The following CFTR variants were observed in gnomAD, a reference collection of about 807,000 sequenced individuals.
The protein encoded by CFTR is CF transmembrane conductance regulator, also known as cystic fibrosis transmembrane conductance regulator.
CFTR carries 181 observed loss-of-function variants against 171.6 expected under a neutral mutation model. The ratio of observed to expected loss-of-function variants is 1.05; its 90% CI spans 0.93 to 1.19. CFTR has a LOEUF of 1.19. Ranked by LOEUF, CFTR falls within the 50% of genes most tolerant of loss-of-function variation. The probability of loss-of-function intolerance (pLI) is 0.00; values close to 1 mark genes in which losing one functional copy is unlikely to be tolerated. For missense variants in CFTR, 1,968 were observed against 1,734.7 expected, an observed-to-expected ratio of 1.13 and a Z score of -2.39; for synonymous variants, 583 against 608.0, an observed-to-expected ratio of 0.96 and a Z score of 0.60.
chr7:117,600,138 A>G (rs1198324020), intron 15 of CFTR, among the ~76,000 whole-genome samples: 2 of 152,046 alleles, frequency 1.3e-5, no homozygotes, highest in Admixed American at 6.5e-5. Flanking sequence ...AACTGAAAAA[A>G]AATTAATTTG....
At chr7:117,516,649 G>A (rs1798600370) in intron 3 of CFTR, among the ~76,000 whole-genome samples, 1 of 151,970 alleles carries the variant, frequency 6.6e-6, no homozygotes, top group Non-Finnish European at 1.5e-5. Context: ...TCAAATATTA[G>A]TTTTTGTTTA....
In CFTR at chr7:117,508,036, A is replaced by G. The variant is rs539249861; in HGVS notation, c.165-998A>G. ...AGTGATCTGCCCGCCTTGGCCTCCC[A>G]AAGTGTTGGGATTAGTGGCGTGAGC... On this transcript the variant is annotated intron_variant, in intron 2 of 26. Transcript: ENST00000003084. Among the ~76,000 whole-genome samples the G allele has an allele frequency of 5.9e-5, 9 of 152,326 alleles. No homozygotes were observed. The East Asian group carries it at 1.3e-3, about 23-fold the overall frequency.
At chr7:117,583,710 G>A (rs213958) in intron 11 of CFTR, among the ~76,000 whole-genome samples, 58,313 of 151,620 alleles carry the variant, frequency 0.38, 15,299 homozygotes, top group African/African-American at 0.74. Context: ...CTGCTGGATC[G>A]AATGGTAGTT....
intron 1 of CFTR, among the ~76,000 whole-genome samples, chr7:117,502,921 A>T (rs927935378): frequency 1.1e-4 from 17 of 152,204 alleles, no homozygotes; most frequent in Admixed American, 1.1e-3. Context: ...TAGAGCCCTA[A>T]TTCAGTTAAG....
intron 11 of CFTR, among the ~76,000 whole-genome samples, chr7:117,587,506 T>C (rs2116016702): frequency 6.6e-6 from 1 of 152,318 alleles, no homozygotes; most frequent in East Asian, 1.9e-4. Flanking sequence ...TATTTAATGA[T>C]CATTCATGAC....
At chr7:117,607,268 G>A (rs1448305234) in intron 18 of CFTR, among the ~76,000 whole-genome samples, 5 of 152,096 alleles carry the variant, frequency 3.3e-5, no homozygotes, top group African/African-American at 1.2e-4. Flanking sequence ...AAAAGAGAGG[G>A]GAAAGAAAAA....
intron 11 of CFTR, among the ~76,000 whole-genome samples, chr7:117,562,809 C>G (rs1045135162): frequency 6.6e-6 from 1 of 152,122 alleles, no homozygotes; most frequent in Non-Finnish European, 1.5e-5. Context: ...TCTCTAAAAG[C>G]AGGTGCCTTG....
intron 2 of CFTR, among the ~76,000 whole-genome samples, chr7:117,508,031 C>T (rs1456958363): frequency 6.6e-6 from 1 of 152,194 alleles, no homozygotes; most frequent in Non-Finnish European, 1.5e-5. Context: ...CCGCCTTGGC[C>T]TCCCAAAGTG....
chr7:117,616,945 T>G (rs1792500802), intron 21 of CFTR, among the ~76,000 whole-genome samples: 1 of 152,124 alleles, frequency 6.6e-6, no homozygotes, highest in South Asian at 2.1e-4. Context: ...ATACAGTAAC[T>G]TTTTTGTTTT....
intron 22 of CFTR, among the ~76,000 whole-genome samples, chr7:117,638,936 G>C (rs1792870941): frequency 6.6e-6 from 1 of 151,876 alleles, no homozygotes; most frequent in African/African-American, 2.4e-5. Flanking sequence ...CTCAAATTTA[G>C]TATACTAGTA....
chr7:117,616,988 T>C (rs1792501214), intron 21 of CFTR, among the ~76,000 whole-genome samples: 1 of 152,178 alleles, frequency 6.6e-6, no homozygotes, highest in East Asian at 1.9e-4. Context: ...AGGAAATAGA[T>C]AGGACTATGC....
At chr7:117,662,864 C>G (rs1475447551) in intron 24 of CFTR, among the ~76,000 whole-genome samples, 1 of 151,952 alleles carries the variant, frequency 6.6e-6, no homozygotes, top group East Asian at 1.9e-4. Context: ...TCATCAATAC[C>G]CTGAAAATGA....
chr7:117,652,973 T>C (rs751585366), intron 24 of CFTR, 42 bp downstream of exon 24: 38 of 1,159,682 alleles, frequency 3.3e-5, no homozygotes, highest in Non-Finnish European at 4.3e-5. Flanking sequence ...GGGTAACTCA[T>C]ACCAACACAA....
chr7:117,551,163 G>T (rs1243585116), intron 10 of CFTR, among the ~76,000 whole-genome samples: 4 of 152,132 alleles, frequency 2.6e-5, no homozygotes, highest in Admixed American at 2.0e-4. Flanking sequence ...ATTGGGTGGG[G>T]GAGCCCCATA....
At chr7:117,611,851 A>G (rs746674343) in intron 20 of CFTR, 43 bp downstream of exon 20, 2 of 1,371,970 alleles carry the variant, frequency 1.5e-6, no homozygotes, top group Non-Finnish European at 2.1e-6. Flanking sequence ...TTAAGTAAAA[A>G]ATTTTCAATG....
intron 7 of CFTR, among the ~76,000 whole-genome samples, chr7:117,537,319 G>A (rs919621076): frequency 1.3e-5 from 2 of 152,124 alleles, no homozygotes; most frequent in Admixed American, 6.5e-5. Context: ...AACAAAGAAA[G>A]TACAGCACAG....
intron 2 of CFTR, among the ~76,000 whole-genome samples, chr7:117,507,595 G>A (rs1423898885): frequency 6.6e-6 from 1 of 152,124 alleles, no homozygotes; most frequent in Non-Finnish European, 1.5e-5. Context: ...CAAATGTTAT[G>A]GATGGGAGGT....
chr7:117,571,740 C>T (rs971150589), intron 11 of CFTR, among the ~76,000 whole-genome samples: 2 of 152,080 alleles, frequency 1.3e-5, no homozygotes, highest in Non-Finnish European at 2.9e-5. Context: ...AAATACAAAT[C>T]TGCACACATA....
At chr7:117,554,727 A>G (rs144493566) in intron 10 of CFTR, among the ~76,000 whole-genome samples, 5 of 152,300 alleles carry the variant, frequency 3.3e-5, no homozygotes, top group African/African-American at 1.2e-4. Context: ...TGAATGTGGT[A>G]TCCCGGAACC....
Sources: gnomAD v4.1 joint callset for allele counts (sites outside exome capture counted in the v4.1 genomes callset) on GRCh38, gnomAD v4.1.1 for gene constraint, MANE v1.5 for transcripts, NCBI Gene and HGNC (gene_info 2026-07-23, HGNC 2026-07-21) for gene names.